Variants in RXRB observed in about 807,000 individuals in gnomAD.
RXRB encodes retinoid X receptor beta.
Under a neutral mutation model 52.5 loss-of-function variants are expected in RXRB, and 18 were observed. That is an observed-to-expected ratio of 0.34 (90% CI 0.24 to 0.51). The LOEUF is 0.51. RXRB is among the 20% of genes least tolerant of loss of function. RXRB has a pLI of 0.97. For missense variants in RXRB, 455 were observed against 698.2 expected (o/e 0.65, Z 3.92); for synonymous variants, 233 against 267.1 (o/e 0.87, Z 1.25).
At chr6:33,200,801 G>A (rs1044998319), upstream of RXRB, 45 of 1,526,824 alleles carry the variant, frequency 2.9e-5, no homozygotes, top group Middle Eastern at 1.7e-4. The surrounding 1 kb of genome is among the most constrained non-coding windows in gnomAD (Gnocchi z 6.3). Flanking sequence ...GTGCAGGATG[G>A]ATTCGTCGCT....
At chr6:33,200,724 TC>T, upstream of RXRB, 1 of 1,545,798 alleles carries the variant, frequency 6.5e-7, no homozygotes, top group Non-Finnish European at 8.7e-7. The surrounding 1 kb of genome is among the most constrained non-coding windows in gnomAD (Gnocchi z 6.3). Flanking sequence ...GGCGGTCTCC[TC>T]CGGCCTGTTA....
rs1038577794 is a variant in RXRB, at chr6:33,197,662, G to A, written c.820+100C>T. On this transcript the variant is annotated intron_variant, in intron 4 of 9. Coordinates refer to ENST00000374680, the MANE Select transcript of RXRB (RefSeq NM_021976.5). The surrounding 1 kb of genome is among the most constrained non-coding windows in gnomAD (Gnocchi z 4.4). Reference sequence around the variant, plus strand: ...GAGAAATCAAATATCGCCCTCTAGAGGAGAGAGAGCAGTCCACCCTTCCAG... The same window carrying A: ...GAGAAATCAAATATCGCCCTCTAGAAGAGAGAGAGCAGTCCACCCTTCCAG... 2 of 1,076,054 alleles carry A rather than the reference G, an allele frequency of 1.9e-6. No homozygotes were observed. The highest frequency in any genetic ancestry group is 1.6e-5 in the African/African-American group (1 of 63,630). 66.7% of individuals were successfully genotyped at this position (1,076,054 alleles called of 1,614,324 possible).
At chr6:33,199,100 G>A (rs556624910) in intron 2 of RXRB, 69 bp downstream of exon 2, 14 of 1,164,782 alleles carry the variant, frequency 1.2e-5, no homozygotes, top group South Asian at 4.1e-5. Context: ...GTTCACACAA[G>A]GATCTGGGGT....
In RXRB at chr6:33,197,667, G is replaced by C. The variant is rs142149197; in HGVS notation, c.820+95C>G. The C allele has an allele frequency of 1.8e-6, 2 of 1,141,626 alleles. No homozygotes were observed. Among genetic ancestry groups the C allele is most frequent in the African/African-American group, 1.5e-5 (1 of 65,040 alleles). 70.7% of individuals were successfully genotyped at this position (1,141,626 alleles called of 1,614,324 possible). On this transcript the variant is annotated intron_variant, in intron 4 of 9. Coordinates refer to ENST00000374680, the MANE Select transcript of RXRB (RefSeq NM_021976.5). The surrounding 1 kb of genome is among the most constrained non-coding windows in gnomAD (Gnocchi z 4.4). ...ATCAAATATCGCCCTCTAGAGGAGA[G>C]AGAGCAGTCCACCCTTCCAGAGAGG...
At position 33,197,639 on chromosome 6, in the gene RXRB, G is replaced by GAA; in HGVS notation, c.820+121_820+122dup. ...GGGAGGAGAGCTGCGAAGGGAGAGA[G>GAA]AAATCAAATATCGCCCTCTAGAGGA... On this transcript the variant is annotated intron_variant, in intron 4 of 9. Transcript: ENST00000374680. This position sits in a 1 kb window ranked among gnomAD's most constrained non-coding sequence, Gnocchi z 4.4. The GAA allele has an allele frequency of 1.1e-6, 1 of 878,988 alleles. No individual in the cohort carries two copies. The highest frequency in any genetic ancestry group is 2.6e-5 in the East Asian group (1 of 38,000). The allele number at this position is 878,988 out of a possible 1,614,324, so 54.4% of individuals were successfully genotyped here.
chr6:33,196,562 C>T lies in RXRB; in HGVS notation c.865G>A (p.Gly289Arg). ...RQRGKDKDGD[G>R]EGAGGAPEEM... ...TCGGGGGCTCCCCCAGCCCCCTCCC[C>T]ATCCCCATCCTTGTCCTTTCCCCGC... The change falls in exon 5 of 10, where the codon GGG (glycine) becomes AGG (arginine). Residue 289 changes from glycine to arginine, a missense_variant. By Grantham distance (125) the Gly-to-Arg change is moderately radical. Coordinates refer to ENST00000374680, the MANE Select transcript of RXRB (RefSeq NM_021976.5). This position sits in a 1 kb window ranked among gnomAD's most constrained non-coding sequence, Gnocchi z 4.0. 6.2e-7 allele frequency: 1 copy of T among 1,612,532 alleles called. No homozygotes were observed. The highest frequency in any genetic ancestry group is 1.1e-5 in the South Asian group (1 of 91,044).
At position 33,194,867 on chromosome 6, in the gene RXRB, A is replaced by G; in HGVS notation, c.1455-38T>C. ...TGGGAGAAGGGGATTGAGAGCTGGA[A>G]GCACACGGGCCCTGAACACATCCTC... On this transcript the variant is annotated intron_variant, in intron 9 of 9. Coordinates refer to ENST00000374680, the MANE Select transcript of RXRB (RefSeq NM_021976.5). The surrounding 1 kb of genome is among the most constrained non-coding windows in gnomAD (Gnocchi z 4.1). 6.2e-7 allele frequency: 1 copy of G among 1,612,336 alleles called. No individual in the cohort carries two copies.
rs766297085 is a variant in RXRB at position 33,196,127 on chromosome 6, T to G, written c.994-91A>C. ...GCTTTTGACACCCCCTCCTTACATA[T>G]AGTCTTCCTGTGAGCCCCATCCAAA... On this transcript the variant is annotated intron_variant, in intron 5 of 9. Coordinates refer to ENST00000374680, the MANE Select transcript of RXRB (RefSeq NM_021976.5). This position sits in a 1 kb window ranked among gnomAD's most constrained non-coding sequence, Gnocchi z 4.0. The G allele has an allele frequency of 1.3e-6, 2 of 1,521,598 alleles. No homozygotes were observed. Among genetic ancestry groups the G allele is most frequent in the Admixed American group, 1.7e-5 (1 of 58,450 alleles). The allele number at this position is 1,521,598 out of a possible 1,614,324, so 94.3% of individuals were successfully genotyped here. A position where few individuals can be genotyped will look rare whatever the true frequency, so the allele number is the denominator to read the frequency against.
chr6:33,200,768 TC>T (rs984391986), upstream of RXRB: 23 of 1,534,052 alleles, frequency 1.5e-5, no homozygotes, highest in Middle Eastern at 6.8e-4. This position sits in a 1 kb window ranked among gnomAD's most constrained non-coding sequence, Gnocchi z 6.3. Context: ...TCAAATCACC[TC>T]CACACTCGCG....
chr6:33,200,454 G>A lies in RXRB; in HGVS notation c.23C>T (p.Pro8Leu). The A allele has an allele frequency of 1.9e-6, 3 of 1,593,266 alleles. No homozygotes were observed. Among genetic ancestry groups the A allele is most frequent in the Non-Finnish European group, 2.6e-6 (3 of 1,172,198 alleles). MSWAARP[P>L]FLPQRHAAGQ... ...TGCGGCATGCCGCTGAGGGAGGAAG[G>A]GCGGGCGAGCGGCCCAAGACATGAT... Residue 8 changes from proline to leucine, a missense_variant, in exon 1 of 10, where the codon CCC becomes CTC. Physicochemically the swap from Pro to Leu is moderately conservative, Grantham distance 98. Transcript: ENST00000374680. This position sits in a 1 kb window ranked among gnomAD's most constrained non-coding sequence, Gnocchi z 6.3.
Position 33,196,156 on chromosome 6 carries a change from A to G in RXRB, c.994-120T>C. The G allele has an allele frequency of 2.4e-6, 3 of 1,275,830 alleles. No individual in the cohort carries two copies. The highest frequency in any genetic ancestry group is 3.4e-6 in the Non-Finnish European group (3 of 895,512). 79.0% of individuals were successfully genotyped at this position (1,275,830 alleles called of 1,614,324 possible). A position where few individuals can be genotyped will look rare whatever the true frequency, so the allele number is the denominator to read the frequency against. On this transcript the variant is annotated intron_variant, in intron 5 of 9. Transcript: ENST00000374680. This position sits in a 1 kb window ranked among gnomAD's most constrained non-coding sequence, Gnocchi z 4.0. ...CTTCCTGTGAGCCCCATCCAAACCAATCCCTGTAAGTGAGTCTTCTCTTCT... is the reference window on the plus strand; with the variant it reads ...CTTCCTGTGAGCCCCATCCAAACCAGTCCCTGTAAGTGAGTCTTCTCTTCT...
chr6:33,198,505 G>T, intron 2 of RXRB, 41 bp from the exon 3 acceptor site: 1 of 1,577,590 alleles, frequency 6.3e-7, no homozygotes, highest in Non-Finnish European at 8.7e-7. Flanking sequence ...AAGACTTATT[G>T]GGAAGCAGAA....
Position 33,200,069 on chromosome 6 carries a change from C to T in RXRB, c.235+173G>A. 1 of 1,018,816 alleles carries T rather than the reference C, an allele frequency of 9.8e-7. No homozygotes were observed. The highest frequency in any genetic ancestry group is 1.6e-5 in the African/African-American group (1 of 64,038). 63.1% of individuals were successfully genotyped at this position (1,018,816 alleles called of 1,614,324 possible). A position where few individuals can be genotyped will look rare whatever the true frequency, so the allele number is the denominator to read the frequency against. The stretch of plus-strand genomic sequence containing the variant: ...CACAGCTAGGAGGGCGGAAGCTCCC[C>T]TTCCCCGCCCCGCCCCGGGGGGGAG... On this transcript the variant is annotated intron_variant, in intron 1 of 9. Coordinates refer to ENST00000374680, the MANE Select transcript of RXRB (RefSeq NM_021976.5). This position sits in a 1 kb window ranked among gnomAD's most constrained non-coding sequence, Gnocchi z 6.3.
In RXRB at chr6:33,194,599, GC is replaced by G; in HGVS notation, c.*82del. The G allele has an allele frequency of 2.0e-6, 3 of 1,469,860 alleles. No individual in the cohort carries two copies. Among genetic ancestry groups the G allele is most frequent in the Non-Finnish European group, 2.8e-6 (3 of 1,082,582 alleles). The allele number at this position is 1,469,860 out of a possible 1,614,324, so 91.1% of individuals were successfully genotyped here. On this transcript the variant is annotated 3_prime_UTR_variant, in exon 10 of 10. Transcript: ENST00000374680. The surrounding 1 kb of genome is among the most constrained non-coding windows in gnomAD (Gnocchi z 4.1). ...ACCCCATCAAGGTTCTGGGAACATGGCCCCCCACCCTGCCCCAGGGCTTGGA... is the reference window on the plus strand; with the variant it reads ...ACCCCATCAAGGTTCTGGGAACATGGCCCCCACCCTGCCCCAGGGCTTGGA...
At position 33,197,601 on chromosome 6, in the gene RXRB, G is replaced by T. The variant is rs1774011488; in HGVS notation, c.820+161C>A. Among the ~76,000 whole-genome samples, 1 of 152,256 alleles carries T rather than the reference G, an allele frequency of 6.6e-6. No individual in the cohort carries two copies. Among genetic ancestry groups the T allele is most frequent in the South Asian group, 2.1e-4 (1 of 4,834 alleles). On this transcript the variant is annotated intron_variant, in intron 4 of 9. Transcript: ENST00000374680. The surrounding 1 kb of genome is among the most constrained non-coding windows in gnomAD (Gnocchi z 4.4). Reference sequence around the variant, plus strand: ...CATTAAGAAGGAAACTCAAGGGCCAGAACAGGGTAACAGGGAGGAGAGCTG... The same window carrying T: ...CATTAAGAAGGAAACTCAAGGGCCATAACAGGGTAACAGGGAGGAGAGCTG...
chr6:33,194,763 C>T lies in RXRB; in HGVS notation c.1521G>A (p.Leu507=), dbSNP rs61669264. The change falls in exon 10 of 10, where the codon CTG becomes CTA. Residue 507 remains leucine, a synonymous_variant. Coordinates refer to ENST00000374680, the MANE Select transcript of RXRB (RefSeq NM_021976.5). The surrounding 1 kb of genome is among the most constrained non-coding windows in gnomAD (Gnocchi z 4.1). The stretch of plus-strand genomic sequence containing the variant: ...TGTCACCAATGAGCTTGAAGAAAAA[C>T]AGATGCTCTAGACACTTAAGGCCAA... The part of the protein sequence containing the change: ...RSIGLKCLEH[L]FFFKLIGDTP... 1 of 1,612,960 alleles carries T rather than the reference C, an allele frequency of 6.2e-7. No individual in the cohort carries two copies. The highest frequency in any genetic ancestry group is 8.5e-7 in the Non-Finnish European group (1 of 1,180,022).
At position 33,194,746 on chromosome 6, in the gene RXRB, A is replaced by G; in HGVS notation, c.1538T>C (p.Ile513Thr). 6.2e-7 allele frequency: 1 copy of G among 1,613,154 alleles called. No homozygotes were observed. The highest frequency in any genetic ancestry group is 8.5e-7 in the Non-Finnish European group (1 of 1,180,018). Residue 513 changes from isoleucine (I) to threonine (T), a missense_variant, in exon 10 of 10, where the codon ATT becomes ACT. Physicochemically the swap from Ile to Thr is moderately conservative, Grantham distance 89 (BLOSUM62 -1). This residue lies in a region of RXRB where 115 missense variants were observed against 253.1 expected (regional missense o/e 0.45). Transcript: ENST00000374680. The surrounding 1 kb of genome is among the most constrained non-coding windows in gnomAD (Gnocchi z 4.1). ...GAAGGTGTCGATGGGGGTGTCACCAATGAGCTTGAAGAAAAACAGATGCTC... is the reference window on the plus strand; with the variant it reads ...GAAGGTGTCGATGGGGGTGTCACCAGTGAGCTTGAAGAAAAACAGATGCTC... ...CLEHLFFFKL[I>T]GDTPIDTFLM...
Position 33,195,083 on chromosome 6 carries a change from A to G in RXRB, c.1349-33T>C. 1 of 1,498,078 alleles carries G rather than the reference A, an allele frequency of 6.7e-7. No homozygotes were observed. The allele number at this position is 1,498,078 out of a possible 1,614,324, so 92.8% of individuals were successfully genotyped here. On this transcript the variant is annotated intron_variant, in intron 8 of 9. Transcript: ENST00000374680. The surrounding 1 kb of genome is among the most constrained non-coding windows in gnomAD (Gnocchi z 8.6). ...GGCAGGGAAGAGAGGAGGAAGAGAA[A>G]TGAAGACAAACCAAATCAGGATGGC...
At position 33,196,241 on chromosome 6, in the gene RXRB, T is replaced by C. The variant is rs771993897; in HGVS notation, c.993+193A>G. 5 of 929,052 alleles carry C rather than the reference T, an allele frequency of 5.4e-6. No homozygotes were observed. The highest frequency in any genetic ancestry group is 1.6e-5 in the African/African-American group (1 of 61,634). 57.6% of individuals were successfully genotyped at this position (929,052 alleles called of 1,614,324 possible). On this transcript the variant is annotated intron_variant, in intron 5 of 9. Coordinates refer to ENST00000374680, the MANE Select transcript of RXRB (RefSeq NM_021976.5). The surrounding 1 kb of genome is among the most constrained non-coding windows in gnomAD (Gnocchi z 4.0). Reference sequence around the variant, plus strand: ...GCCTATGGTTCTGCCAGTGGGTTGTTTGGGGAGTGGAGACAGAAGGAGCTA... The same window carrying C: ...GCCTATGGTTCTGCCAGTGGGTTGTCTGGGGAGTGGAGACAGAAGGAGCTA...
Sources: allele counts gnomAD v4.1 joint callset (sites outside exome capture counted in the v4.1 genomes callset), GRCh38; gene constraint gnomAD v4.1.1; regional missense constraint gnomAD v4.1.1; non-coding constraint Gnocchi (gnomAD v3.1); transcripts MANE v1.5; gene names NCBI Gene and HGNC (gene_info 2026-07-23, HGNC 2026-07-21).